Variants in SLC26A5 observed in about 807,000 individuals in gnomAD.
The protein encoded by SLC26A5 is solute carrier family 26 member 5.
Under a neutral mutation model 81.0 loss-of-function variants are expected in SLC26A5, and 51 were observed. The ratio of observed to expected loss-of-function variants is 0.63; its 90% confidence interval spans 0.50 to 0.80. The LOEUF is 0.80. Among genes scored for constraint, SLC26A5 ranks in the 30% least tolerant of loss-of-function variants. The pLI is 0.00. For missense variants in SLC26A5, 771 were observed against 905.8 expected (o/e 0.85, Z 1.91); for synonymous variants, 325 against 332.8 (o/e 0.98, Z 0.25).
At chr7:103,391,910 T>G (rs1001357031) in intron 10 of SLC26A5, among the ~76,000 whole-genome samples, 175 bp from the exon 11 acceptor site, 15 of 152,224 alleles carry the variant, frequency 9.9e-5, no homozygotes, top group African/African-American at 3.6e-4. Context: ...TATTTTATAG[T>G]GAGAGGGGGG....
chr7:103,361,866 T>TA lies in SLC26A5; in HGVS notation c.2042-8941dup, dbSNP rs375611411. 107 of 1,267,566 alleles carry TA rather than the reference T, an allele frequency of 8.4e-5. No individual in the cohort carries two copies. In the African/African-American group the frequency reaches 1.5e-3, roughly 17 times the overall value. The allele number at this position is 1,267,566 out of a possible 1,614,324, so 78.5% of individuals were successfully genotyped here. ...TTTCTGTAGTTCTAGTTTATACCTG[T>TA]ATATTGCACACTCAGGATATAATCT... On this transcript the variant is annotated intron_variant, in intron 19 of 19. Transcript: ENST00000339444.
rs140167043 is a variant in SLC26A5 at position 103,411,586 on chromosome 7, C to T, written c.404G>A (p.Gly135Asp). Residue 135 changes from glycine (G) to aspartate (D), a missense_variant and splice_region_variant, in exon 6 of 20, where the codon GGT (glycine) becomes GAT (aspartate). By Grantham distance (94) the Gly-to-Asp change is moderately conservative. Coordinates refer to ENST00000306312, the MANE Select transcript of SLC26A5 (RefSeq NM_198999.3). ...FLGTSRHISI[G>D]PFAVISLMIG... is the part of the protein sequence containing the mutation. ...CATCAGGCTAATAACAGCAAAAGGA[C>T]CTGAAATAATGAAGCATGAAGATCC... 4.3e-6 allele frequency: 7 copies of T among 1,613,996 alleles called. No individual in the cohort carries two copies. Among genetic ancestry groups the T allele is most frequent in the Non-Finnish European group, 5.9e-6 (7 of 1,179,970 alleles).
chr7:103,414,195 T>C (rs1044546589), intron 4 of SLC26A5, among the ~76,000 whole-genome samples: 5 of 142,232 alleles, frequency 3.5e-5, no homozygotes, highest in Admixed American at 1.4e-4. Context: ...CCCCCCTTTT[T>C]TTTTTTTTAA....
chr7:103,416,566 C>G (rs1232788463), intron 4 of SLC26A5, among the ~76,000 whole-genome samples: 1 of 152,154 alleles, frequency 6.6e-6, no homozygotes, highest in Non-Finnish European at 1.5e-5. Flanking sequence ...AGACTTTGAA[C>G]CAGTTCCCTT....
In SLC26A5 at chr7:103,384,153, A is replaced by T. The variant is rs558912485; in HGVS notation, c.1515-3604T>A. ...CTCTAAAAACAATAAAATAAAAAAA[A>T]TTTTTTTTTTGGTAGAGGCATGGTC... is the stretch of plus-strand genomic sequence containing the variant. On this transcript the variant is annotated intron_variant, in intron 14 of 19. Transcript: ENST00000306312. 3.0e-3 allele frequency among the ~76,000 whole-genome samples: 445 copies of T among 149,868 alleles called. 2 individuals carry two copies. Among genetic ancestry groups the T allele is most frequent in the East Asian group, 8.7e-3 (44 of 5,056 alleles).
intron 2 of SLC26A5, among the ~76,000 whole-genome samples, chr7:103,421,798 T>C (rs80208122): frequency 6.6e-6 from 1 of 152,346 alleles, no homozygotes; most frequent in African/African-American, 2.4e-5. Flanking sequence ...GTGTGTACTT[T>C]TAACAAAAGC....
intron 4 of SLC26A5, among the ~76,000 whole-genome samples, chr7:103,420,431 G>T (rs58055326): frequency 6.6e-6 from 1 of 151,544 alleles, no homozygotes; most frequent in Non-Finnish European, 1.5e-5. Context: ...GAGTAGCTGA[G>T]ACTACAGGCA....
At chr7:103,387,627 G>A (rs1822297064) in intron 14 of SLC26A5, among the ~76,000 whole-genome samples, 1 of 152,212 alleles carries the variant, frequency 6.6e-6, no homozygotes, top group Admixed American at 6.5e-5. Context: ...AAATCACAGA[G>A]CTTACAGAAG....
intron 2 of SLC26A5, among the ~76,000 whole-genome samples, chr7:103,422,166 GAT>G (rs1232933830): frequency 6.6e-6 from 1 of 152,158 alleles, no homozygotes; most frequent in African/African-American, 2.4e-5. Context: ...TAGAATGACT[GAT>G]AGTTTTTTTC....
rs1252191095 is a variant in SLC26A5 at position 103,367,247 on chromosome 7, A to ATTAGT, written c.2041+9556_2041+9560dup. Among the ~76,000 whole-genome samples, 2 of 152,112 alleles carry ATTAGT rather than the reference A, an allele frequency of 1.3e-5. No homozygotes were observed. The highest frequency in any genetic ancestry group is 4.8e-5 in the African/African-American group (2 of 41,406). On this transcript the variant is annotated intron_variant, in intron 19 of 19. Transcript: ENST00000339444. The surrounding 1 kb of genome is among the most constrained non-coding windows in gnomAD (Gnocchi z 6.1). ...TTTGAAAGCAAAGATTCACTTTCTAATTAGTTTTATATAAAGCAAGCTGTT... is the reference window on the plus strand; with the variant it reads ...TTTGAAAGCAAAGATTCACTTTCTAATTAGTTTAGTTTTATATAAAGCAAGCTGTT...
intron 19 of SLC26A5, among the ~76,000 whole-genome samples, chr7:103,361,052 T>C (rs755358526): frequency 6.6e-6 from 1 of 150,560 alleles, no homozygotes. Flanking sequence ...AGGCGGAGAT[T>C]GTAATGAGCC....
intron 14 of SLC26A5, among the ~76,000 whole-genome samples, chr7:103,383,945 C>A (rs755058438): frequency 6.6e-6 from 1 of 151,328 alleles, no homozygotes; most frequent in Non-Finnish European, 1.5e-5. Flanking sequence ...AGTTCAAGAC[C>A]AGCCAGAGCA....
intron 2 of SLC26A5, among the ~76,000 whole-genome samples, chr7:103,440,713 A>G (rs1200812965): frequency 1.3e-5 from 2 of 152,198 alleles, no homozygotes; most frequent in East Asian, 1.9e-4. Context: ...AATGAGTACA[A>G]CCAGCTCTAG....
chr7:103,355,229 G>C (rs1819962853), intron 19 of SLC26A5, among the ~76,000 whole-genome samples: 1 of 152,298 alleles, frequency 6.6e-6, no homozygotes, highest in South Asian at 2.1e-4. Context: ...CAGTTAACAA[G>C]TCAAAAAACT....
intron 19 of SLC26A5, among the ~76,000 whole-genome samples, chr7:103,356,502 G>A (rs928223733): frequency 7.2e-5 from 11 of 152,128 alleles, no homozygotes; most frequent in Admixed American, 1.3e-4. Context: ...TGTAAGATAC[G>A]CAGTTTTCAA....
At chr7:103,427,230 C>T (rs1406251031) in intron 2 of SLC26A5, among the ~76,000 whole-genome samples, 5 of 151,940 alleles carry the variant, frequency 3.3e-5, no homozygotes, top group African/African-American at 7.3e-5. Context: ...TGCGCCACCA[C>T]GCCCAACTAC....
chr7:103,433,741 C>T (rs1826250819), intron 2 of SLC26A5, among the ~76,000 whole-genome samples: 1 of 136,088 alleles, frequency 7.3e-6, no homozygotes, highest in South Asian at 2.3e-4. Context: ...CTCACTCTGT[C>T]GCCCAGGCTG....
Position 103,397,999 on chromosome 7 carries a change from C to T in SLC26A5, c.904G>A (p.Gly302Ser). ...LEFFAVVMGT[G>S]ISAGFNLKES... is the part of the protein sequence containing the mutation. ...TTCAAGTTAAACCCAGCTGAAATGC[C>T]AGTTCCCATTACGACCTAAAAAGAC... The change falls in exon 9 of 20, where the codon GGC becomes AGC. Residue 302 changes from glycine to serine, a missense_variant. Transcript: ENST00000306312. 6.2e-7 allele frequency: 1 copy of T among 1,613,954 alleles called. No homozygotes were observed.
chr7:103,414,778 G>T (rs930921527), intron 4 of SLC26A5, among the ~76,000 whole-genome samples: 4 of 152,142 alleles, frequency 2.6e-5, no homozygotes, highest in African/African-American at 9.7e-5. Flanking sequence ...AGAGCAGCTG[G>T]ACTTTTTCAT....
Sources: gnomAD v4.1 joint callset for allele counts (sites outside exome capture counted in the v4.1 genomes callset) on GRCh38, gnomAD v4.1.1 for gene constraint, Gnocchi (gnomAD v3.1) non-coding constraint, MANE v1.5 for transcripts, NCBI Gene and HGNC (gene_info 2026-07-23, HGNC 2026-07-21) for gene names.